The following PRKG1 variants were observed in gnomAD, a reference collection of about 807,000 sequenced individuals.
PRKG1 encodes the protein protein kinase cGMP-dependent 1.
PRKG1 carries 35 observed loss-of-function variants against 88.1 expected under a neutral mutation model. The ratio of observed to expected loss-of-function variants is 0.40; its 90% confidence interval spans 0.30 to 0.53. The LOEUF is 0.53. PRKG1 is among the 20% of genes least tolerant of loss of function. The pLI, the probability that PRKG1 is intolerant of heterozygous loss-of-function variation, is 0.59. For missense variants in PRKG1, 540 were observed against 839.8 expected (o/e 0.64, Z 4.41); for synonymous variants, 303 against 292.5 (o/e 1.04, Z -0.37).
chr10:51,980,492 A>T lies in PRKG1; in HGVS notation c.762+72922A>T, dbSNP rs1843979496. ...TGGAGAGTTCTGTAGAATTTCTATC[A>T]GGTCCATTTGATCCAGTACTGAGTT... On this transcript the variant is annotated intron_variant, in intron 5 of 17. Transcript: ENST00000373980. 2.0e-5 allele frequency among the ~76,000 whole-genome samples: 3 copies of T among 152,292 alleles called. No homozygotes were observed. The South Asian group carries it at 6.2e-4, about 32-fold the overall frequency.
intron 3 of PRKG1, among the ~76,000 whole-genome samples, chr10:51,649,454 T>A (rs1042965588): frequency 4.6e-5 from 7 of 152,314 alleles, no homozygotes; most frequent in African/African-American, 1.7e-4. Context: ...GGTGAACCCT[T>A]TAGTTGCTAA....
Position 51,572,835 on chromosome 10 carries a change from G to A in PRKG1, c.592+104999G>A, listed in dbSNP as rs1283928504. 2.6e-5 allele frequency among the ~76,000 whole-genome samples: 4 copies of A among 151,784 alleles called. 1 individual carries two copies. The highest frequency in any genetic ancestry group is 5.9e-5 in the Non-Finnish European group (4 of 67,848). On this transcript the variant is annotated intron_variant, in intron 3 of 17. Transcript: ENST00000373980. The stretch of plus-strand genomic sequence containing the variant: ...ATTTTACGCATTGTACCATGCTGCT[G>A]CTTCTCTTTCAATCAAAGTTTTACT...
intron 1 of PRKG1, chr10:51,068,594 C>G (rs1843783390): frequency 6.6e-6 from 1 of 151,934 alleles, no homozygotes; most frequent in Non-Finnish European, 1.5e-5. Flanking sequence ...CTGCTAAATA[C>G]TAGTTAAAAT....
At chr10:51,417,619 C>A (rs750941815) in intron 2 of PRKG1, among the ~76,000 whole-genome samples, 2 of 151,912 alleles carry the variant, frequency 1.3e-5, no homozygotes, top group East Asian at 3.9e-4. Flanking sequence ...ATAGTAGGAC[C>A]GAGTCTTTTA....
intron 9 of PRKG1, among the ~76,000 whole-genome samples, chr10:52,233,184 C>A (rs1344736918): frequency 9.4e-4 from 133 of 142,130 alleles, no homozygotes; most frequent in African/African-American, 2.1e-3. Context: ...AAAAGGGAGC[C>A]AAAAAAAAAA....
chr10:51,383,774 A>G (rs1160231807), intron 2 of PRKG1, among the ~76,000 whole-genome samples: 1 of 152,144 alleles, frequency 6.6e-6, no homozygotes, highest in African/African-American at 2.4e-5. Flanking sequence ...GCTTGCCTCT[A>G]CGTGAAACAG....
At chr10:51,782,521 C>G (rs1356577065) in intron 3 of PRKG1, among the ~76,000 whole-genome samples, 1 of 152,100 alleles carries the variant, frequency 6.6e-6, no homozygotes, top group Non-Finnish European at 1.5e-5. Context: ...CCAAATCACA[C>G]AGCTAGTAAG....
intron 3 of PRKG1, among the ~76,000 whole-genome samples, chr10:51,678,018 T>C (rs995693014): frequency 1.1e-4 from 16 of 152,266 alleles, no homozygotes; most frequent in African/African-American, 3.9e-4. Context: ...AAAAAGAGAA[T>C]TAAAGATCAG....
At chr10:52,101,052 C>T (rs1847282090) in intron 7 of PRKG1, among the ~76,000 whole-genome samples, 1 of 152,108 alleles carries the variant, frequency 6.6e-6, no homozygotes, top group East Asian at 1.9e-4. Flanking sequence ...TTTGGATGTT[C>T]ATATACCTGC....
At chr10:51,979,639 G>T in intron 5 of PRKG1, among the ~76,000 whole-genome samples, 4 of 130,604 alleles carry the variant, frequency 3.1e-5, no homozygotes, top group Non-Finnish European at 4.9e-5. Flanking sequence ...TTTTAAGGTT[G>T]GTAGGCCATT....
intron 2 of PRKG1, among the ~76,000 whole-genome samples, chr10:51,361,461 G>A (rs1270538012): frequency 1.3e-5 from 2 of 151,864 alleles, no homozygotes; most frequent in Non-Finnish European, 2.9e-5. Context: ...GCTGAGAATT[G>A]CTCCAGCCTC....
chr10:51,703,546 A>G (rs1467576517), intron 3 of PRKG1, among the ~76,000 whole-genome samples: 4 of 152,186 alleles, frequency 2.6e-5, no homozygotes, highest in Non-Finnish European at 5.9e-5. Flanking sequence ...TAAACTGTAA[A>G]ATCATTATAT....
At chr10:51,657,257 T>C (rs1840183945) in intron 3 of PRKG1, among the ~76,000 whole-genome samples, 1 of 152,122 alleles carries the variant, frequency 6.6e-6, no homozygotes, top group South Asian at 2.1e-4. Flanking sequence ...ATTTATATGG[T>C]TTTTTTGTTT....
intron 2 of PRKG1, among the ~76,000 whole-genome samples, chr10:51,408,192 G>A (rs1837978752): frequency 6.6e-6 from 1 of 152,170 alleles, no homozygotes; most frequent in East Asian, 1.9e-4. Flanking sequence ...AGTATACAAG[G>A]CCTTCTGGAG....
chr10:52,290,174 A>C lies in PRKG1; in HGVS notation c.1896-50A>C, dbSNP rs371687727. The C allele has an allele frequency of 3.9e-6, 6 of 1,534,176 alleles. No homozygotes were observed. In the African/African-American group the frequency reaches 8.2e-5, roughly 21 times the overall value. On this transcript the variant is annotated intron_variant, in intron 16 of 17. Transcript: ENST00000373980. Reference sequence around the variant, plus strand: ...GGACATTGTATACACTGCAATGAGAAGCTTTTAGCTGACACAAAATGTTTT... The same window carrying C: ...GGACATTGTATACACTGCAATGAGACGCTTTTAGCTGACACAAAATGTTTT...
chr10:51,451,179 A>G (rs1217238901), intron 2 of PRKG1, among the ~76,000 whole-genome samples: 2 of 151,942 alleles, frequency 1.3e-5, no homozygotes, highest in African/African-American at 4.8e-5. Context: ...ACATTAAATA[A>G]TAAGACCTAA....
intron 5 of PRKG1, among the ~76,000 whole-genome samples, chr10:52,018,756 A>T (rs1368121999): frequency 1.3e-5 from 2 of 152,208 alleles, no homozygotes; most frequent in Non-Finnish European, 2.9e-5. Flanking sequence ...TACAATAGGG[A>T]AGATACATTG....
At chr10:52,056,042 A>G (rs1362610088) in intron 6 of PRKG1, among the ~76,000 whole-genome samples, 1 of 152,198 alleles carries the variant, frequency 6.6e-6, no homozygotes, top group Admixed American at 6.5e-5. Flanking sequence ...TATTCTTTTG[A>G]CTGATCTCTG....
At chr10:51,219,861 T>C (rs1476881863) in intron 2 of PRKG1, among the ~76,000 whole-genome samples, 1 of 152,208 alleles carries the variant, frequency 6.6e-6, no homozygotes, top group Non-Finnish European at 1.5e-5. Context: ...TAGATTTCTG[T>C]GATAGGCAGA....
Sources: gnomAD v4.1 joint callset for allele counts (sites outside exome capture counted in the v4.1 genomes callset) on GRCh38, gnomAD v4.1.1 for gene constraint, MANE v1.5 for transcripts, NCBI Gene and HGNC (gene_info 2026-07-23, HGNC 2026-07-21) for gene names.